The following NSMCE1 variants were observed in gnomAD, a reference collection of about 807,000 sequenced individuals.
NSMCE1 encodes the protein NSE1 component of SMC5/6 complex.
Under a neutral mutation model 29.6 loss-of-function variants are expected in NSMCE1, and 18 were observed. The observed-to-expected ratio is 0.61, with a 90% CI of 0.42 to 0.90. The LOEUF is 0.90. Ranked by LOEUF, NSMCE1 falls within the 40% of genes least tolerant of loss-of-function variation. The pLI, the probability that NSMCE1 is intolerant of heterozygous loss-of-function variation, is 0.00. For synonymous variants in NSMCE1, 124 were observed against 133.4 expected (o/e 0.93, Z 0.49); for missense variants, 314 against 343.6 (o/e 0.91, Z 0.68).
intron 7 of NSMCE1, among the ~76,000 whole-genome samples, chr16:27,225,449 G>A (rs774562684): frequency 2.6e-5 from 4 of 152,238 alleles, no homozygotes; most frequent in Non-Finnish European, 5.9e-5. Context: ...TAGCTTTCAC[G>A]TCCCCCTCCT....
intron 7 of NSMCE1, 47 bp downstream of exon 7, chr16:27,225,679 G>A (rs769986035): frequency 2.2e-5 from 35 of 1,609,908 alleles, no homozygotes; most frequent in East Asian, 6.7e-5. Context: ...CAGGCCCCAC[G>A]TCCTGCTGGC....
chr16:27,236,338 C>A (rs774511224), intron 2 of NSMCE1, among the ~76,000 whole-genome samples: 95 of 144,160 alleles, frequency 6.6e-4, no homozygotes, highest in Non-Finnish European at 9.7e-4. Flanking sequence ...TTGCTCTCGC[C>A]CTGGCTGGAG....
In NSMCE1 at chr16:27,251,182, ATATATATAAATATATATATATAT is replaced by A. The variant is rs528759449; in HGVS notation, c.136+6230_136+6252del. ...AAAATATATATATATATATATATAT[ATATATATAAATATATATATATAT>A]ATAAAACTCTGTAGAGTTCAGACTC... On this transcript the variant is annotated intron_variant, in intron 2 of 7. Transcript: ENST00000361439. Among the ~76,000 whole-genome samples the A allele has an allele frequency of 3.9e-3, 252 of 64,900 alleles. 1 individual carries two copies. The highest frequency in any genetic ancestry group is 0.017 in the African/African-American group (241 of 14,452). The allele number at this position is 64,900 out of a possible 152,430, so 42.6% of individuals were successfully genotyped here.
At chr16:27,245,099 C>T (rs2083940901) in intron 2 of NSMCE1, among the ~76,000 whole-genome samples, 1 of 152,204 alleles carries the variant, frequency 6.6e-6, no homozygotes, top group Non-Finnish European at 1.5e-5. Context: ...AAGGAAGAGG[C>T]AGTGGTGAGC....
intron 3 of NSMCE1, among the ~76,000 whole-genome samples, chr16:27,234,946 C>A (rs57816168): frequency 0.014 from 2,163 of 152,350 alleles, 54 homozygotes; most frequent in African/African-American, 0.05. Flanking sequence ...AAGGCCCCAC[C>A]CACATGGCCT....
intron 5 of NSMCE1, among the ~76,000 whole-genome samples, chr16:27,228,852 T>C (rs1315021795): frequency 8.1e-6 from 1 of 124,132 alleles, no homozygotes; most frequent in African/African-American, 3.1e-5. Flanking sequence ...AGATGCATCA[T>C]GGTACCCCAC....
intron 2 of NSMCE1, among the ~76,000 whole-genome samples, chr16:27,252,811 C>G (rs746034536): frequency 9.2e-5 from 14 of 152,224 alleles, no homozygotes; most frequent in Middle Eastern, 6.8e-3. Flanking sequence ...CCCAGCTACT[C>G]AGGCGGCTGA....
At chr16:27,240,154 T>C (rs1363589103) in intron 2 of NSMCE1, among the ~76,000 whole-genome samples, 1 of 152,148 alleles carries the variant, frequency 6.6e-6, no homozygotes, top group African/African-American at 2.4e-5. Flanking sequence ...CTAAGCCCCA[T>C]GGGCTCCACA....
intron 2 of NSMCE1, among the ~76,000 whole-genome samples, chr16:27,256,157 T>G (rs781585619): frequency 3.0e-4 from 46 of 152,162 alleles, no homozygotes; most frequent in Admixed American, 3.9e-4. Context: ...TTGGCTCACT[T>G]CTATGTCATT....
intron 5 of NSMCE1, among the ~76,000 whole-genome samples, chr16:27,227,567 G>A (rs911618148): frequency 6.6e-6 from 1 of 152,236 alleles, no homozygotes; most frequent in African/African-American, 2.4e-5. Context: ...CACTGAGGGA[G>A]ACCCAAGGCA....
rs749585022 is a variant in NSMCE1 at position 27,232,377 on chromosome 16, T to G, written c.483+624A>C. Among the ~76,000 whole-genome samples the G allele has an allele frequency of 1.5e-4, 23 of 152,186 alleles. No homozygotes were observed. Among genetic ancestry groups the G allele is most frequent in the Non-Finnish European group, 2.9e-4 (20 of 68,026 alleles). On this transcript the variant is annotated intron_variant, in intron 5 of 7. Transcript: ENST00000361439. The surrounding 1 kb of genome is among the most constrained non-coding windows in gnomAD (Gnocchi z 4.5). Reference sequence around the variant, plus strand: ...GGGGGTGGGGGCAACATCTAGAAACTGGAGCTGCAGTGGGGCCTGTCCCAG... The same window carrying G: ...GGGGGTGGGGGCAACATCTAGAAACGGGAGCTGCAGTGGGGCCTGTCCCAG...
At chr16:27,233,214 C>T (rs1010458121) in intron 4 of NSMCE1, 67 bp from the exon 5 acceptor site, 4 of 1,461,092 alleles carry the variant, frequency 2.7e-6, no homozygotes, top group Non-Finnish European at 2.8e-6. Flanking sequence ...AATGGTAATA[C>T]CAAGTCTGGC....
At position 27,251,190 on chromosome 16, in the gene NSMCE1, AAATATATATATATATAT is replaced by A. The variant is rs1567281288; in HGVS notation, c.136+6228_136+6244del. The stretch of plus-strand genomic sequence containing the variant: ...TATATATATATATATATATATATAT[AAATATATATATATATAT>A]AAAACTCTGTAGAGTTCAGACTCCT... On this transcript the variant is annotated intron_variant, in intron 2 of 7. Coordinates refer to ENST00000361439, the MANE Select transcript of NSMCE1 (RefSeq NM_145080.4). 1.6e-3 allele frequency among the ~76,000 whole-genome samples: 69 copies of A among 42,632 alleles called. No individual in the cohort carries two copies. The East Asian group carries it at 0.019, about 12-fold the overall frequency. The allele number at this position is 42,632 out of a possible 152,430, so 28.0% of individuals were successfully genotyped here.
Position 27,235,294 on chromosome 16 carries a change from C to T in NSMCE1, c.142G>A (p.Ala48Thr), listed in dbSNP as rs1395414322. 45 of 1,613,392 alleles carry T rather than the reference C, an allele frequency of 2.8e-5. No homozygotes were observed. Among genetic ancestry groups the T allele is most frequent in the Non-Finnish European group, 3.6e-5 (42 of 1,179,878 alleles). The change falls in exon 3 of 8, where the codon GCC (alanine) becomes ACC (threonine). Residue 48 changes from alanine to threonine, a missense_variant. Physicochemically the swap from Ala to Thr is moderately conservative, Grantham distance 58. Transcript: ENST00000361439. ...THCYKVHDRN[A>T]TVDKLEDFIN... ...AAGTCCTCCAACTTATCTACGGTGG[C>T]ATTGCCTGGAAATAAACAGACCAAA...
chr16:27,257,379 T>C, intron 2 of NSMCE1, 56 bp downstream of exon 2: 1 of 1,507,498 alleles, frequency 6.6e-7, no homozygotes, highest in Non-Finnish European at 9.0e-7. Flanking sequence ...CCTATGTCAC[T>C]GGTCCCTGAT....
At chr16:27,239,065 T>C (rs1369498885) in intron 2 of NSMCE1, among the ~76,000 whole-genome samples, 1 of 152,146 alleles carries the variant, frequency 6.6e-6, no homozygotes, top group Middle Eastern at 3.2e-3. Context: ...AGAGATGGGA[T>C]TTCACTATGT....
At chr16:27,252,202 C>G (rs1231299902) in intron 2 of NSMCE1, among the ~76,000 whole-genome samples, 1 of 152,160 alleles carries the variant, frequency 6.6e-6, no homozygotes, top group Non-Finnish European at 1.5e-5. Flanking sequence ...TGGCAGGCCC[C>G]TAGGATGGGG....
At chr16:27,264,665 A>T (rs1389460548) in intron 1 of NSMCE1, among the ~76,000 whole-genome samples, 1 of 152,236 alleles carries the variant, frequency 6.6e-6, no homozygotes, top group Non-Finnish European at 1.5e-5. Context: ...AAGGAAAAAT[A>T]CTGTAAGACT....
In NSMCE1 at chr16:27,236,422, G is replaced by A. The variant is rs552093235; in HGVS notation, c.137-1123C>T. 8.6e-5 allele frequency among the ~76,000 whole-genome samples: 13 copies of A among 150,686 alleles called. No individual in the cohort carries two copies. In the East Asian group the frequency reaches 1.8e-3, roughly 20 times the overall value. On this transcript the variant is annotated intron_variant, in intron 2 of 7. Transcript: ENST00000361439. Reference sequence around the variant, plus strand: ...AGCAGTTCTCCTGCCTTAGCCTCCCGAGGAGTTGAGATTACAGGCATGCAC... The same window carrying A: ...AGCAGTTCTCCTGCCTTAGCCTCCCAAGGAGTTGAGATTACAGGCATGCAC...
Sources: allele counts gnomAD v4.1 joint callset (sites outside exome capture counted in the v4.1 genomes callset), GRCh38; gene constraint gnomAD v4.1.1; non-coding constraint Gnocchi (gnomAD v3.1); transcripts MANE v1.5; gene names NCBI Gene and HGNC (gene_info 2026-07-23, HGNC 2026-07-21).